EDC4: variants seen among roughly 807,000 people sequenced by gnomAD.
EDC4 encodes enhancer of mRNA decapping 4.
In EDC4, 64 loss-of-function variants were observed where a neutral mutation model predicts 155.8. That is an observed-to-expected ratio of 0.41 (90% confidence interval 0.34 to 0.51). The LOEUF (loss-of-function observed/expected upper bound fraction) is 0.51, where lower values mean the gene tolerates loss of function less well. Among genes scored for constraint, EDC4 ranks in the 20% least tolerant of loss-of-function variants. The pLI is 0.19. For synonymous variants in EDC4, 684 were observed against 716.8 expected, an observed-to-expected ratio of 0.95 and a Z score of 0.73; for missense variants, 1,303 against 1,812.5, an observed-to-expected ratio of 0.72 and a Z score of 5.10.
In EDC4 at chr16:67,879,382, C is replaced by T. The variant is rs574049198; in HGVS notation, c.1542-30C>T. 1.2e-6 allele frequency: 2 copies of T among 1,614,220 alleles called. No individual in the cohort carries two copies. The highest frequency in any genetic ancestry group is 2.7e-5 in the African/African-American group (2 of 75,060). The stretch of plus-strand genomic sequence containing the variant: ...ACTCTACTGACCCTTGCCCTTGGAG[C>T]ACTTTATTCTCCCCCTTCTTTTCCT... On this transcript the variant is annotated intron_variant, in intron 13 of 28. Transcript: ENST00000358933. The surrounding 1 kb of genome is among the most constrained non-coding windows in gnomAD (Gnocchi z 6.0).
Position 67,884,168 on chromosome 16 carries a change from C to T in EDC4, c.*20C>T. 1 of 1,588,462 alleles carries T rather than the reference C, an allele frequency of 6.3e-7. No homozygotes were observed. Among genetic ancestry groups the T allele is most frequent in the Non-Finnish European group, 8.6e-7 (1 of 1,165,680 alleles). ...CCTTAGCTGCTAAGCCTGCCTTGCC[C>T]AGGGGTGGGATGGCACTGAAGGCCA... On this transcript the variant is annotated 3_prime_UTR_variant, in exon 29 of 29. Coordinates refer to ENST00000358933, the MANE Select transcript of EDC4 (RefSeq NM_014329.5). This position sits in a 1 kb window ranked among gnomAD's most constrained non-coding sequence, Gnocchi z 4.1.
rs751900895 is a variant in EDC4 at position 67,881,618 on chromosome 16, T to C, written c.2827-50T>C. ...CTCTGGGCCATTCCCTGGTCTGGTG[T>C]GTGGGAATAGGTGGGGCAGGCATCG... On this transcript the variant is annotated intron_variant, in intron 21 of 28. Coordinates refer to ENST00000358933, the MANE Select transcript of EDC4 (RefSeq NM_014329.5). The surrounding 1 kb of genome is among the most constrained non-coding windows in gnomAD (Gnocchi z 5.4). The C allele has an allele frequency of 1.2e-6, 2 of 1,610,702 alleles. No homozygotes were observed. The highest frequency in any genetic ancestry group is 1.7e-6 in the Non-Finnish European group (2 of 1,177,542).
chr16:67,875,666 C>T (rs1413948448), intron 1 of EDC4: 4 of 1,165,672 alleles, frequency 3.4e-6, no homozygotes, highest in Non-Finnish European at 4.3e-6. Flanking sequence ...CCACAGAGTT[C>T]TTCTGTAGTG....
In EDC4 at chr16:67,881,830, C is replaced by T. The variant is rs1233645119; in HGVS notation, c.2989C>T (p.Arg997Trp). Reference protein sequence around the residue: ...TGHVERALETRHEQEQRRLER... With the variant: ...TGHVERALETWHEQEQRRLER... The stretch of plus-strand genomic sequence containing the variant: ...CCACGTAGAACGTGCCCTTGAGACT[C>T]GGCACGAGCAGGAACGTATCCTTGA... Residue 997 changes from arginine to tryptophan, a missense_variant, in exon 22 of 29, where the codon CGG becomes TGG. By Grantham distance (101) the Arg-to-Trp change is moderately radical (BLOSUM62 -3). Around this residue, in one of 5 missense-constraint regions of EDC4, gnomAD observed 527 missense variants for 757.0 expected, o/e 0.70. Coordinates refer to ENST00000358933, the MANE Select transcript of EDC4 (RefSeq NM_014329.5). The surrounding 1 kb of genome is among the most constrained non-coding windows in gnomAD (Gnocchi z 5.4). 14 of 1,613,466 alleles carry T rather than the reference C, an allele frequency of 8.7e-6. No individual in the cohort carries two copies. The highest frequency in any genetic ancestry group is 1.1e-5 in the Non-Finnish European group (13 of 1,179,582).
Position 67,879,885 on chromosome 16 carries a change from CAGCAGCAGCAGCAGCAGT to C in EDC4, c.1867_1884del (p.Ser624_Ser629del). The C allele has an allele frequency of 6.3e-7, 1 of 1,591,954 alleles. No homozygotes were observed. The highest frequency in any genetic ancestry group is 1.1e-5 in the South Asian group (1 of 88,786). ...CTCCCAGCAGCAGCAGCAGCGGTAGCAGCAGCAGCAGCAGCAGTAGCAGCAGCTCCCTTACAGCTGTGT... is the reference window on the plus strand; with the variant it reads ...CTCCCAGCAGCAGCAGCAGCGGTAGCAGCAGCAGCTCCCTTACAGCTGTGT... On this transcript the variant is annotated inframe_deletion, in exon 16 of 29. Coordinates refer to ENST00000358933, the MANE Select transcript of EDC4 (RefSeq NM_014329.5). The surrounding 1 kb of genome is among the most constrained non-coding windows in gnomAD (Gnocchi z 6.0).
At position 67,877,953 on chromosome 16, in the gene EDC4, G is replaced by T. The variant is rs370143766; in HGVS notation, c.894+108G>T. 16 of 1,529,470 alleles carry T rather than the reference G, an allele frequency of 1.0e-5. No individual in the cohort carries two copies. Among genetic ancestry groups the T allele is most frequent in the East Asian group, 7.3e-5 (3 of 41,310 alleles). 94.7% of individuals were successfully genotyped at this position (1,529,470 alleles called of 1,614,324 possible). On this transcript the variant is annotated intron_variant, in intron 7 of 28. Coordinates refer to ENST00000358933, the MANE Select transcript of EDC4 (RefSeq NM_014329.5). This position sits in a 1 kb window ranked among gnomAD's most constrained non-coding sequence, Gnocchi z 4.9. ...GCAGCTTTACTAGCATTCTGCCCGT[G>T]GGGACTCTGAGCTCAAATTGGCCCT...
chr16:67,882,802 C>A lies in EDC4; in HGVS notation c.3566C>A (p.Ala1189Glu). 1 of 1,614,132 alleles carries A rather than the reference C, an allele frequency of 6.2e-7. No individual in the cohort carries two copies. Among genetic ancestry groups the A allele is most frequent in the Non-Finnish European group, 8.5e-7 (1 of 1,180,004 alleles). Residue 1189 changes from alanine to glutamate, a missense_variant, in exon 26 of 29, where the codon GCA becomes GAA. By Grantham distance (107) the Ala-to-Glu change is moderately radical. Around this residue, in one of 5 missense-constraint regions of EDC4, gnomAD observed 527 missense variants for 757.0 expected, o/e 0.70. Transcript: ENST00000358933. This position sits in a 1 kb window ranked among gnomAD's most constrained non-coding sequence, Gnocchi z 7.2. ...CTGCAGAGTGCCACTGAGCAGATGG[C>A]AGCCACCGTGGCCGGCAGTGTTCGT... The part of the protein sequence containing the change: ...STLQSATEQM[A>E]ATVAGSVRAE...
At position 67,879,107 on chromosome 16, in the gene EDC4, G is replaced by A; in HGVS notation, c.1438G>A (p.Ala480Thr). 6.2e-7 allele frequency: 1 copy of A among 1,613,890 alleles called. No individual in the cohort carries two copies. The highest frequency in any genetic ancestry group is 8.5e-7 in the Non-Finnish European group (1 of 1,179,868). ...GCTACGGCACACTGAGGTGCTGCCTGCCGAAGAGGAAAATGACAGCCTGGG... is the reference window on the plus strand; with the variant it reads ...GCTACGGCACACTGAGGTGCTGCCTACCGAAGAGGAAAATGACAGCCTGGG... ...CRLRHTEVLP[A>T]EEENDSLGAD... The change falls in exon 12 of 29, where the codon GCC (alanine) becomes ACC (threonine). Residue 480 changes from alanine (A) to threonine (T), a missense_variant. Coordinates refer to ENST00000358933, the MANE Select transcript of EDC4 (RefSeq NM_014329.5). This position sits in a 1 kb window ranked among gnomAD's most constrained non-coding sequence, Gnocchi z 6.0.
chr16:67,883,610 G>C lies in EDC4; in HGVS notation c.3892G>C (p.Glu1298Gln). 1 of 1,614,144 alleles carries C rather than the reference G, an allele frequency of 6.2e-7. No homozygotes were observed. The highest frequency in any genetic ancestry group is 1.3e-5 in the African/African-American group (1 of 75,042). The change falls in exon 28 of 29, where the codon GAA becomes CAA. Residue 1298 changes from glutamate (E) to glutamine (Q), a missense_variant. By Grantham distance (29) the Glu-to-Gln change is conservative. Around this residue, in one of 5 missense-constraint regions of EDC4, gnomAD observed 527 missense variants for 757.0 expected, o/e 0.70. Transcript: ENST00000358933. This position sits in a 1 kb window ranked among gnomAD's most constrained non-coding sequence, Gnocchi z 5.3. ...CCTGAACCTGGTGCTGTATGTGTGTGAAACTGTGGACCCAGCCCAGGTTTT... is the reference window on the plus strand; with the variant it reads ...CCTGAACCTGGTGCTGTATGTGTGTCAAACTGTGGACCCAGCCCAGGTTTT... The part of the protein sequence containing the change: ...ADLNLVLYVC[E>Q]TVDPAQVFGQ...
rs764444343 is a variant in EDC4, at chr16:67,879,698, T to C, written c.1745T>C (p.Leu582Pro). ...IVELPAPADF[L>P]SLSSETKPKL... is the part of the protein sequence containing the mutation. ...GAGCTGCCTGCACCTGCCGACTTCC[T>C]CAGTCTGAGCAGTGAGACCAAGCCC... Residue 582 changes from leucine to proline, a missense_variant, in exon 15 of 29, where the codon CTC becomes CCC. Physicochemically the swap from Leu to Pro is moderately conservative, Grantham distance 98. Around this residue, in one of 5 missense-constraint regions of EDC4, gnomAD observed 391 missense variants for 445.4 expected, o/e 0.88. Transcript: ENST00000358933. This position sits in a 1 kb window ranked among gnomAD's most constrained non-coding sequence, Gnocchi z 6.0. 6.2e-7 allele frequency: 1 copy of C among 1,614,086 alleles called. No individual in the cohort carries two copies.
At position 67,876,147 on chromosome 16, in the gene EDC4, T is replaced by A. The variant is rs775618089; in HGVS notation, c.239+46T>A. The A allele has an allele frequency of 6.3e-7, 1 of 1,588,448 alleles. No homozygotes were observed. The highest frequency in any genetic ancestry group is 8.6e-7 in the Non-Finnish European group (1 of 1,159,464). ...AATAGTGGTGATGGTGTATTTGGGG[T>A]GTCTGCTAGCTGAAGGCATGAGATG... is the stretch of plus-strand genomic sequence containing the variant. On this transcript the variant is annotated intron_variant, in intron 2 of 28. Transcript: ENST00000358933. The surrounding 1 kb of genome is among the most constrained non-coding windows in gnomAD (Gnocchi z 5.8).
rs764524291 is a variant in EDC4, at chr16:67,877,020, C to T, written c.451+48C>T. 1.9e-6 allele frequency: 3 copies of T among 1,606,180 alleles called. No individual in the cohort carries two copies. The South Asian group carries it at 3.3e-5, about 18-fold the overall frequency. On this transcript the variant is annotated intron_variant, in intron 4 of 28. Transcript: ENST00000358933. The surrounding 1 kb of genome is among the most constrained non-coding windows in gnomAD (Gnocchi z 4.9). ...AAGGAATGTTCTGCTGGATGTCCCA[C>T]AGAGCCAGTTCCAACATCAGGCCAC...
Position 67,883,257 on chromosome 16 carries a change from C to T in EDC4, c.3849+80C>T. On this transcript the variant is annotated intron_variant, in intron 27 of 28. Transcript: ENST00000358933. This position sits in a 1 kb window ranked among gnomAD's most constrained non-coding sequence, Gnocchi z 5.3. ...ATACCATACATTCTACTCCACCCAC[C>T]ACCTTTGCACCTTCTGGCCCCAGCA... is the stretch of plus-strand genomic sequence containing the variant. 1 of 1,475,276 alleles carries T rather than the reference C, an allele frequency of 6.8e-7. No individual in the cohort carries two copies. Among genetic ancestry groups the T allele is most frequent in the Admixed American group, 2.2e-5 (1 of 45,822 alleles). The allele number at this position is 1,475,276 out of a possible 1,614,324, so 91.4% of individuals were successfully genotyped here.
Position 67,880,480 on chromosome 16 carries a change from ACTAATGCCTCGTCT to A in EDC4, c.2098-74_2098-61del, listed in dbSNP as rs1815422669. Reference sequence around the variant, plus strand: ...TGCCCTGTCTCTCATTACTGCTAATACTAATGCCTCGTCTCTGTGCCCCCCATCTCTGCCTCACT... The same window carrying A: ...TGCCCTGTCTCTCATTACTGCTAATACTGTGCCCCCCATCTCTGCCTCACT... On this transcript the variant is annotated intron_variant, in intron 17 of 28. Coordinates refer to ENST00000358933, the MANE Select transcript of EDC4 (RefSeq NM_014329.5). The surrounding 1 kb of genome is among the most constrained non-coding windows in gnomAD (Gnocchi z 5.2). The A allele has an allele frequency of 6.5e-7, 1 of 1,546,450 alleles. No homozygotes were observed.
Position 67,884,124 on chromosome 16 carries a change from C to G in EDC4, c.4182C>G (p.Gly1394=), listed in dbSNP as rs750792878. 1.2e-5 allele frequency: 20 copies of G among 1,611,432 alleles called. No homozygotes were observed. In the African/African-American group the frequency reaches 2.4e-4, roughly 19 times the overall value. The change falls in exon 29 of 29, where the codon GGC becomes GGG. Residue 1394 remains glycine, a synonymous_variant. Coordinates refer to ENST00000358933, the MANE Select transcript of EDC4 (RefSeq NM_014329.5). This position sits in a 1 kb window ranked among gnomAD's most constrained non-coding sequence, Gnocchi z 4.1. ...GGCGTCTCAGCCTCATGCTGCATGG[C>G]CTCGTGACCCCCAGCCTCCCTTAGC... ...AARRLSLMLH[G]LVTPSLP
At position 67,881,904 on chromosome 16, in the gene EDC4, G is replaced by T; in HGVS notation, c.3005-50G>T. On this transcript the variant is annotated intron_variant, in intron 22 of 28. Coordinates refer to ENST00000358933, the MANE Select transcript of EDC4 (RefSeq NM_014329.5). The surrounding 1 kb of genome is among the most constrained non-coding windows in gnomAD (Gnocchi z 5.4). ...GGGACGGGGGCAGCATTCTTGGCCT[G>T]GGAAGGAGTACACGACCTGCTCCAG... 1 of 1,603,104 alleles carries T rather than the reference G, an allele frequency of 6.2e-7. No individual in the cohort carries two copies. The highest frequency in any genetic ancestry group is 1.3e-5 in the African/African-American group (1 of 74,808).
chr16:67,882,346 T>A lies in EDC4; in HGVS notation c.3276+19T>A. The A allele has an allele frequency of 6.2e-7, 1 of 1,613,816 alleles. No homozygotes were observed. The highest frequency in any genetic ancestry group is 8.5e-7 in the Non-Finnish European group (1 of 1,179,842). On this transcript the variant is annotated intron_variant, in intron 24 of 28. Coordinates refer to ENST00000358933, the MANE Select transcript of EDC4 (RefSeq NM_014329.5). The surrounding 1 kb of genome is among the most constrained non-coding windows in gnomAD (Gnocchi z 7.2). ...GTCCAAGGTGCTATAGGGCCCAAGA[T>A]GTGGGTGGAGGTGGTGGTTCCTGGG...
Position 67,879,715 on chromosome 16 carries a change from A to T in EDC4, c.1762A>T (p.Thr588Ser). 2 of 1,614,114 alleles carry T rather than the reference A, an allele frequency of 1.2e-6. No homozygotes were observed. Among genetic ancestry groups the T allele is most frequent in the Non-Finnish European group, 1.7e-6 (2 of 1,180,002 alleles). The change falls in exon 15 of 29, where the codon ACC becomes TCC. Residue 588 changes from threonine to serine, a missense_variant. Physicochemically the swap from Thr to Ser is moderately conservative, Grantham distance 58 (BLOSUM62 1). This residue lies in a region of EDC4 where 391 missense variants were observed against 445.4 expected (regional missense o/e 0.88). Transcript: ENST00000358933. The surrounding 1 kb of genome is among the most constrained non-coding windows in gnomAD (Gnocchi z 6.0). ...PADFLSLSSE[T>S]KPKLMTPDAF... ...CGACTTCCTCAGTCTGAGCAGTGAG[A>T]CCAAGCCCAAGTTGATGACACCTGA...
Position 67,883,040 on chromosome 16 carries a change from G to T in EDC4, c.3712G>T (p.Val1238Phe). 6.2e-7 allele frequency: 1 copy of T among 1,613,776 alleles called. No individual in the cohort carries two copies. The highest frequency in any genetic ancestry group is 8.5e-7 in the Non-Finnish European group (1 of 1,180,020). ...SVALKEQQAA[V>F]TSSIMQAMRS... ...GGCGCTCAAGGAGCAGCAGGCCGCCGTCACCTCCAGCATCATGCAGGCCAT... is the reference window on the plus strand; with the variant it reads ...GGCGCTCAAGGAGCAGCAGGCCGCCTTCACCTCCAGCATCATGCAGGCCAT... The change falls in exon 27 of 29, where the codon GTC becomes TTC. Residue 1238 changes from valine to phenylalanine, a missense_variant. Around this residue, in one of 5 missense-constraint regions of EDC4, gnomAD observed 527 missense variants for 757.0 expected, o/e 0.70. Transcript: ENST00000358933. The surrounding 1 kb of genome is among the most constrained non-coding windows in gnomAD (Gnocchi z 5.3).
Sources: allele counts gnomAD v4.1 joint callset, GRCh38; gene constraint gnomAD v4.1.1; regional missense constraint gnomAD v4.1.1; non-coding constraint Gnocchi (gnomAD v3.1); transcripts MANE v1.5; gene names NCBI Gene and HGNC (gene_info 2026-07-23, HGNC 2026-07-21).